Variants in EYS observed in about 807,000 individuals in gnomAD.
EYS encodes the protein EGF-like photoreceptor maintenance factor.
In EYS, 250 loss-of-function variants were observed where a neutral mutation model predicts 282.1. The ratio of observed to expected loss-of-function variants is 0.89; its 90% CI spans 0.80 to 0.98. The LOEUF (loss-of-function observed/expected upper bound fraction) is 0.98. Among genes scored for constraint, EYS ranks in the 50% least tolerant of loss-of-function variants. The pLI is 0.00. For missense variants in EYS, 4,016 were observed against 3,709.0 expected (o/e 1.08, Z -2.15); for synonymous variants, 1,355 against 1,282.9 (o/e 1.06, Z -1.20).
intron 31 of EYS, among the ~76,000 whole-genome samples, chr6:64,143,559 A>T (rs113909963): frequency 0.023 from 3,532 of 152,176 alleles, 120 homozygotes; most frequent in African/African-American, 0.072. Context: ...TTCAAATTTG[A>T]GATGTCTTTG....
chr6:64,517,670 C>T (rs371530499), intron 26 of EYS, among the ~76,000 whole-genome samples: 2 of 151,714 alleles, frequency 1.3e-5, no homozygotes, highest in African/African-American at 2.4e-5. Flanking sequence ...TCATGTGAGG[C>T]ATGTGAAAGC....
intron 22 of EYS, among the ~76,000 whole-genome samples, chr6:64,650,726 T>C (rs903685187): frequency 9.9e-5 from 15 of 152,048 alleles, no homozygotes; most frequent in Non-Finnish European, 1.5e-5. Context: ...TTAAGAAATA[T>C]GTAAATTCAT....
chr6:65,644,935 A>G (rs1464155052), intron 1 of EYS, among the ~76,000 whole-genome samples: 1 of 152,152 alleles, frequency 6.6e-6, no homozygotes, highest in African/African-American at 2.4e-5. Context: ...TTCAAAATAA[A>G]CCAAAATAGA....
intron 26 of EYS, among the ~76,000 whole-genome samples, chr6:64,446,252 T>C (rs1775113359): frequency 6.6e-6 from 1 of 152,152 alleles, no homozygotes. Flanking sequence ...GCCACTCCCC[T>C]TGCATGAGAA....
At chr6:64,522,220 T>C (rs1291738743) in intron 26 of EYS, among the ~76,000 whole-genome samples, 1 of 151,758 alleles carries the variant, frequency 6.6e-6, no homozygotes, top group Non-Finnish European at 1.5e-5. Flanking sequence ...GTAATGCTTA[T>C]TATATGAAGT....
chr6:64,395,196 A>G (rs560424036), intron 28 of EYS, among the ~76,000 whole-genome samples: 8 of 152,218 alleles, frequency 5.3e-5, no homozygotes, highest in Non-Finnish European at 1.2e-4. Context: ...ACTGTAAACT[A>G]GTTCAACCAT....
intron 2 of EYS, among the ~76,000 whole-genome samples, chr6:65,556,371 G>A (rs1476376381): frequency 7.0e-6 from 1 of 142,328 alleles, no homozygotes; most frequent in Non-Finnish European, 1.5e-5. Context: ...TTAATATGTG[G>A]AGGAGACTGC....
chr6:65,613,296 A>C (rs1180860250), intron 2 of EYS, among the ~76,000 whole-genome samples: 3 of 151,868 alleles, frequency 2.0e-5, no homozygotes, highest in Admixed American at 1.3e-4. Context: ...TTATTATTTA[A>C]TACGGTGGTG....
intron 31 of EYS, among the ~76,000 whole-genome samples, chr6:64,168,182 A>G (rs571084422): frequency 1.3e-5 from 2 of 152,150 alleles, no homozygotes; most frequent in Non-Finnish European, 2.9e-5. Context: ...AATGGCGTGA[A>G]CCCGGGAGGG....
chr6:65,027,365 C>G (rs1772453988), intron 13 of EYS, among the ~76,000 whole-genome samples: 1 of 152,160 alleles, frequency 6.6e-6, no homozygotes, highest in Admixed American at 6.5e-5. Context: ...TTGTGACAGT[C>G]TTCATTAGCA....
chr6:64,853,820 G>A (rs1046552014), intron 19 of EYS, among the ~76,000 whole-genome samples: 1 of 151,984 alleles, frequency 6.6e-6, no homozygotes, highest in African/African-American at 2.4e-5. Context: ...GCAACCTACA[G>A]AATGGGAGAA....
At chr6:64,950,652 T>G (rs1317664750) in intron 14 of EYS, among the ~76,000 whole-genome samples, 1 of 150,464 alleles carries the variant, frequency 6.6e-6, no homozygotes, top group Non-Finnish European at 1.5e-5. Flanking sequence ...TTCTAAAAAT[T>G]TCTTTTAGCA....
intron 19 of EYS, among the ~76,000 whole-genome samples, chr6:64,856,297 A>G (rs1001976711): frequency 6.6e-6 from 1 of 152,022 alleles, no homozygotes; most frequent in Non-Finnish European, 1.5e-5. Flanking sequence ...TCAAAAAAAT[A>G]TCATTGGTAT....
chr6:64,847,220 T>C (rs1026532683), intron 19 of EYS, among the ~76,000 whole-genome samples: 1 of 151,982 alleles, frequency 6.6e-6, no homozygotes, highest in African/African-American at 2.4e-5. Context: ...AATACAAAAT[T>C]CCCCTCTCTC....
chr6:64,882,536 C>CA lies in EYS; in HGVS notation c.2992+4160dup, dbSNP rs199786349. ...ATGTTAATAATGTTGCTGTCGTTGA[C>CA]AAAAAAAAATGATTACTATTAATCT... On this transcript the variant is annotated intron_variant, in intron 19 of 42. Transcript: ENST00000503581. Among the ~76,000 whole-genome samples the CA allele has an allele frequency of 9.8e-4, 146 of 148,510 alleles. No homozygotes were observed. The East Asian group carries it at 0.011, about 11-fold the overall frequency.
At chr6:64,447,939 G>A (rs1437686688) in intron 26 of EYS, among the ~76,000 whole-genome samples, 1 of 152,190 alleles carries the variant, frequency 6.6e-6, no homozygotes, top group African/African-American at 2.4e-5. Flanking sequence ...AGGATAGAAA[G>A]TAACTTTCTA....
chr6:64,880,850 A>G (rs1464080649), intron 19 of EYS, among the ~76,000 whole-genome samples: 1 of 150,444 alleles, frequency 6.6e-6, no homozygotes, highest in African/African-American at 2.4e-5. Flanking sequence ...ACACACACAT[A>G]TATTTCTATA....
chr6:64,587,489 C>G (rs1331243035), intron 26 of EYS, among the ~76,000 whole-genome samples: 5 of 151,982 alleles, frequency 3.3e-5, no homozygotes, highest in Admixed American at 3.3e-4. Flanking sequence ...TATCATTTCT[C>G]TACATGAAGA....
intron 29 of EYS, among the ~76,000 whole-genome samples, chr6:64,354,761 G>A (rs181983249): frequency 2.6e-5 from 4 of 151,584 alleles, no homozygotes; most frequent in African/African-American, 7.2e-5. Context: ...ATGTGCATAT[G>A]TATGAATATA....
Sources: gnomAD v4.1 joint callset for allele counts (sites outside exome capture counted in the v4.1 genomes callset) on GRCh38, gnomAD v4.1.1 for gene constraint, MANE v1.5 for transcripts, NCBI Gene and HGNC (gene_info 2026-07-23, HGNC 2026-07-21) for gene names.